The following FHAD1 variants were observed in gnomAD, a reference collection of about 807,000 sequenced individuals.
FHAD1 encodes forkhead-associated domain-containing protein 1.
FHAD1 carries 146 observed loss-of-function variants against 191.3 expected under a neutral mutation model. That is an observed-to-expected ratio of 0.76 (90% confidence interval 0.67 to 0.88). The LOEUF (loss-of-function observed/expected upper bound fraction) is 0.88. Ranked by LOEUF, FHAD1 falls within the 40% of genes least tolerant of loss-of-function variation. The probability of loss-of-function intolerance (pLI) is 0.00; values close to 1 mark genes in which losing one functional copy is unlikely to be tolerated. For synonymous variants in FHAD1, 616 were observed against 672.3 expected, an observed-to-expected ratio of 0.92 and a Z score of 1.29; for missense variants, 1,635 against 1,785.8, an observed-to-expected ratio of 0.92 and a Z score of 1.52.
intron 14 of FHAD1, chr1:15,334,025 T>G (rs1682915252): frequency 6.6e-6 from 1 of 151,808 alleles, no homozygotes; most frequent in Non-Finnish European, 1.5e-5. Flanking sequence ...AGAGACGCGG[T>G]TTCGTCATGT....
rs1574012075 is a variant in FHAD1, at chr1:15,289,706, C to T, written c.568+40C>T. The T allele has an allele frequency of 6.6e-7, 1 of 1,520,946 alleles. No homozygotes were observed. The highest frequency in any genetic ancestry group is 8.9e-7 in the Non-Finnish European group (1 of 1,126,022). 94.2% of individuals were successfully genotyped at this position (1,520,946 alleles called of 1,614,324 possible). On this transcript the variant is annotated intron_variant, in intron 4 of 33. Transcript: ENST00000688493. The surrounding 1 kb of genome is among the most constrained non-coding windows in gnomAD (Gnocchi z 4.2). Reference sequence around the variant, plus strand: ...TGCCATTGGTGGCTTGGGGGTGGTTCACGGCCATGTGGATGGGTCTTGGTT... The same window carrying T: ...TGCCATTGGTGGCTTGGGGGTGGTTTACGGCCATGTGGATGGGTCTTGGTT...
chr1:15,381,127 G>A lies in FHAD1; in HGVS notation c.3802-104G>A. 1 of 766,606 alleles carries A rather than the reference G, an allele frequency of 1.3e-6. No individual in the cohort carries two copies. Among genetic ancestry groups the A allele is most frequent in the South Asian group, 1.8e-5 (1 of 55,584 alleles). The allele number at this position is 766,606 out of a possible 1,614,324, so 47.5% of individuals were successfully genotyped here. On this transcript the variant is annotated intron_variant, in intron 29 of 33. Coordinates refer to ENST00000688493, the MANE Select transcript of FHAD1 (RefSeq NM_001391957.1). The surrounding 1 kb of genome is among the most constrained non-coding windows in gnomAD (Gnocchi z 4.6). ...CTTTCAAAGCATGTGCGTGTTCTCT[G>A]CAATTGCAGAAAGTGAATGAAACAG...
In FHAD1 at chr1:15,349,127, A is replaced by C. The variant is rs1196286037; in HGVS notation, c.2432A>C (p.Asn811Thr). 1.3e-6 allele frequency: 2 copies of C among 1,551,418 alleles called. No homozygotes were observed. The highest frequency in any genetic ancestry group is 2.7e-5 in the African/African-American group (2 of 73,024). ...SEKRKVQDLE[N>T]HLTQQKEISE... ...AAGAGAAAAGTTCAGGATCTGGAGA[A>C]CCATTTAACCCAACAGAAGGAGGTA... Residue 811 changes from asparagine to threonine, a missense_variant, in exon 19 of 34, where the codon AAC becomes ACC. Transcript: ENST00000688493.
intron 4 of FHAD1, among the ~76,000 whole-genome samples, chr1:15,295,411 C>A (rs901917028): frequency 2.0e-5 from 3 of 152,030 alleles, no homozygotes; most frequent in Admixed American, 1.3e-4. Flanking sequence ...AGGTTTGAGA[C>A]CAACTTGGAT....
In FHAD1 at chr1:15,329,590, C is replaced by T. The variant is rs557062214; in HGVS notation, c.1906+49C>T. The T allele has an allele frequency of 1.5e-5, 22 of 1,504,330 alleles. No homozygotes were observed. The highest frequency in any genetic ancestry group is 1.1e-4 in the African/African-American group (8 of 72,064). 93.2% of individuals were successfully genotyped at this position (1,504,330 alleles called of 1,614,324 possible). ...ATGGTTGCATGACTCTAAAATGTCG[C>T]GTTGAATCTCAGCATGATGGGACAT... On this transcript the variant is annotated intron_variant, in intron 14 of 33. Transcript: ENST00000688493. The surrounding 1 kb of genome is among the most constrained non-coding windows in gnomAD (Gnocchi z 5.0).
chr1:15,243,599 C>T (rs1645654875), upstream of FHAD1, among the ~76,000 whole-genome samples: 1 of 152,190 alleles, frequency 6.6e-6, no homozygotes. Flanking sequence ...CAAGAACAGC[C>T]CAGAGAAGGT....
At chr1:15,251,637 A>G (rs971269884) in intron 1 of FHAD1, 134 bp from the exon 2 acceptor site, 3 of 677,404 alleles carry the variant, frequency 4.4e-6, no homozygotes, top group South Asian at 2.1e-5. Context: ...TGACTGATCT[A>G]TCTAATCCCC....
chr1:15,330,365 G>A (rs971093528), intron 14 of FHAD1, among the ~76,000 whole-genome samples: 2 of 152,248 alleles, frequency 1.3e-5, no homozygotes, highest in African/African-American at 4.8e-5. Flanking sequence ...GAGGCCACAT[G>A]TTGTGCAGGG....
intron 6 of FHAD1, 116 bp downstream of exon 6, chr1:15,301,557 G>T (rs953869823): frequency 3.8e-6 from 3 of 786,398 alleles, no homozygotes; most frequent in Admixed American, 5.6e-5. Context: ...GTGGAGCATG[G>T]TGGTTAAGAA....
intron 19 of FHAD1, 76 bp from the exon 20 acceptor site, chr1:15,352,801 C>A (rs769561759): frequency 9.0e-6 from 10 of 1,110,148 alleles, no homozygotes; most frequent in Non-Finnish European, 1.2e-5. Flanking sequence ...TCCACGGTGA[C>A]TCGTCCTGGT....
rs1182955208 is a variant in FHAD1 at position 15,312,520 on chromosome 1, G to A, written c.1040-537G>A. Among the ~76,000 whole-genome samples, 1 of 152,138 alleles carries A rather than the reference G, an allele frequency of 6.6e-6. No homozygotes were observed. Among genetic ancestry groups the A allele is most frequent in the Non-Finnish European group, 1.5e-5 (1 of 68,024 alleles). On this transcript the variant is annotated intron_variant, in intron 7 of 33. Transcript: ENST00000688493. The surrounding 1 kb of genome is among the most constrained non-coding windows in gnomAD (Gnocchi z 4.7). ...CTACAAAAAATACAAAAATTAGCCAGGCATAGTGGCACGTACCTGTAGTCC... is the reference window on the plus strand; with the variant it reads ...CTACAAAAAATACAAAAATTAGCCAAGCATAGTGGCACGTACCTGTAGTCC...
chr1:15,350,895 C>G (rs1193654044), intron 19 of FHAD1, among the ~76,000 whole-genome samples: 1 of 152,104 alleles, frequency 6.6e-6, no homozygotes, highest in Non-Finnish European at 1.5e-5. Flanking sequence ...TCCAGGTAGG[C>G]AGAGGGAGCA....
At chr1:15,384,918 G>C (rs1306347003) in intron 31 of FHAD1, among the ~76,000 whole-genome samples, 2 of 152,114 alleles carry the variant, frequency 1.3e-5, no homozygotes, top group Non-Finnish European at 2.9e-5. Flanking sequence ...GTGTCACCGG[G>C]CTACTCAGCT....
chr1:15,345,364 CCA>C, intron 17 of FHAD1, 50 bp from the exon 18 acceptor site: 3 of 1,504,470 alleles, frequency 2.0e-6, no homozygotes, highest in Non-Finnish European at 2.7e-6. Context: ...CTGGCAGAGT[CCA>C]GTTTCCTCCC....
At position 15,388,582 on chromosome 1, in the gene FHAD1, G is replaced by A. The variant is rs1331732193; in HGVS notation, c.4269+451G>A. Reference sequence around the variant, plus strand: ...CCCTGTCCTAAGAATGAAATGAGGGGGGTGAAAGAAGGTGGGAGTGGCTAC... The same window carrying A: ...CCCTGTCCTAAGAATGAAATGAGGGAGGTGAAAGAAGGTGGGAGTGGCTAC... On this transcript the variant is annotated intron_variant, in intron 32 of 33. Transcript: ENST00000688493. Among the ~76,000 whole-genome samples the A allele has an allele frequency of 2.8e-4, 43 of 151,556 alleles. 1 individual carries two copies. Among genetic ancestry groups the A allele is most frequent in the Admixed American group, 2.8e-3 (43 of 15,204 alleles).
At chr1:15,279,908 G>A (rs1052616204) in intron 3 of FHAD1, among the ~76,000 whole-genome samples, 2 of 152,158 alleles carry the variant, frequency 1.3e-5, no homozygotes, top group Middle Eastern at 3.2e-3. Context: ...AAAAGCCCAT[G>A]GCAAGAAAGC....
At chr1:15,259,992 G>T (rs932421124) in intron 2 of FHAD1, among the ~76,000 whole-genome samples, 1 of 152,182 alleles carries the variant, frequency 6.6e-6, no homozygotes, top group African/African-American at 2.4e-5. Flanking sequence ...ATGCAAAAAG[G>T]CCACGTAAGC....
At chr1:15,359,003 T>G (rs776658380) in intron 21 of FHAD1, among the ~76,000 whole-genome samples, 7 of 151,898 alleles carry the variant, frequency 4.6e-5, no homozygotes, top group Non-Finnish European at 1.0e-4. Flanking sequence ...TGGCAGGACT[T>G]GATAACTGCT....
At chr1:15,293,231 A>G (rs1322276047) in intron 4 of FHAD1, among the ~76,000 whole-genome samples, 1 of 152,186 alleles carries the variant, frequency 6.6e-6, no homozygotes, top group Non-Finnish European at 1.5e-5. Context: ...AAGCTCCCTC[A>G]GGTCCCTTCC....
Sources: gnomAD v4.1 joint callset for allele counts (sites outside exome capture counted in the v4.1 genomes callset) on GRCh38, gnomAD v4.1.1 for gene constraint, Gnocchi (gnomAD v3.1) non-coding constraint, MANE v1.5 for transcripts, NCBI Gene and HGNC (gene_info 2026-07-23, HGNC 2026-07-21) for gene names.